The following PAQR5 variants were observed in gnomAD, a reference collection of about 807,000 sequenced individuals.
PAQR5 encodes the protein progestin and adipoQ receptor family member 5.
PAQR5 carries 20 observed loss-of-function variants against 34.5 expected under a neutral mutation model. That is an observed-to-expected ratio of 0.58 (90% CI 0.41 to 0.84). The LOEUF (loss-of-function observed/expected upper bound fraction) is 0.84. PAQR5 is among the 40% of genes least tolerant of loss of function. The probability of loss-of-function intolerance (pLI) is 0.00; values close to 1 mark genes in which losing one functional copy is unlikely to be tolerated. For missense variants in PAQR5, 378 were observed against 412.7 expected (o/e 0.92, Z 0.73); for synonymous variants, 131 against 155.6 (o/e 0.84, Z 1.18).
chr15:69,324,346 T>A (rs1018618506), intron 1 of PAQR5, among the ~76,000 whole-genome samples: 1 of 152,200 alleles, frequency 6.6e-6, no homozygotes, highest in Non-Finnish European at 1.5e-5. Context: ...AGAGCATTAA[T>A]GCAGACCTGA....
chr15:69,336,766 C>T (rs2054523401), intron 1 of PAQR5, among the ~76,000 whole-genome samples: 1 of 152,148 alleles, frequency 6.6e-6, no homozygotes, highest in Admixed American at 6.5e-5. Flanking sequence ...TTTCTTTGGA[C>T]TGTATTTGTA....
intron 3 of PAQR5, among the ~76,000 whole-genome samples, chr15:69,371,352 T>G (rs926202285): frequency 4.6e-5 from 7 of 152,126 alleles, no homozygotes; most frequent in African/African-American, 1.7e-4. Context: ...AGTTCAAACA[T>G]TGTAATGAGG....
At position 69,317,713 on chromosome 15, in the gene PAQR5, C is replaced by T. The variant is rs560742873; in HGVS notation, c.-277+18657C>T. ...GGTGCAGCAGCTCCCTGGACGCTCC[C>T]TCACTGGCCTGGCATTGAAATGCAC... On this transcript the variant is annotated intron_variant, in intron 1 of 8. Coordinates refer to ENST00000395407, the MANE Select transcript of PAQR5 (RefSeq NM_017705.4). Among the ~76,000 whole-genome samples, 9 of 152,284 alleles carry T rather than the reference C, an allele frequency of 5.9e-5. No homozygotes were observed. The South Asian group carries it at 1.7e-3, about 28-fold the overall frequency.
chr15:69,313,940 A>C (rs904037597), intron 1 of PAQR5, among the ~76,000 whole-genome samples: 42 of 152,224 alleles, frequency 2.8e-4, no homozygotes, highest in African/African-American at 9.4e-4. Context: ...GGGTGGACTC[A>C]GGGACCTTGC....
Position 69,351,668 on chromosome 15 carries a change from T to C in PAQR5, c.-115-8298T>C, listed in dbSNP as rs377439353. On this transcript the variant is annotated intron_variant, in intron 2 of 8. Coordinates refer to ENST00000395407, the MANE Select transcript of PAQR5 (RefSeq NM_017705.4). ...AGATCATGCTGGCCCATTACATTGA[T>C]GGTGTTATGCTGATTGGACCTAGTG... 7.2e-5 allele frequency among the ~76,000 whole-genome samples: 11 copies of C among 152,320 alleles called. No individual in the cohort carries two copies. The East Asian group carries it at 2.1e-3, about 29-fold the overall frequency.
intron 6 of PAQR5, among the ~76,000 whole-genome samples, chr15:69,390,319 T>TA (rs1567038271): frequency 1.3e-4 from 18 of 136,886 alleles, no homozygotes; most frequent in African/African-American, 4.5e-4. Flanking sequence ...CCTGACCTGT[T>TA]TTTTATTTAT....
At chr15:69,325,493 C>CT (rs1037917843) in intron 1 of PAQR5, among the ~76,000 whole-genome samples, 54 of 152,286 alleles carry the variant, frequency 3.5e-4, no homozygotes, top group African/African-American at 1.2e-3. Context: ...AATGTGAGCT[C>CT]TTAAGGGATA....
At chr15:69,300,307 C>A (rs2053504232) in intron 1 of PAQR5, among the ~76,000 whole-genome samples, 1 of 152,184 alleles carries the variant, frequency 6.6e-6, no homozygotes, top group South Asian at 2.1e-4. Context: ...CCTGCAGGGA[C>A]CTGCTTTGTT....
At chr15:69,325,144 C>G (rs551758022) in intron 1 of PAQR5, among the ~76,000 whole-genome samples, 1 of 152,158 alleles carries the variant, frequency 6.6e-6, no homozygotes, top group Non-Finnish European at 1.5e-5. Context: ...GGTGATCCAC[C>G]CAGCTCAGCC....
At chr15:69,302,808 G>C (rs572697268) in intron 1 of PAQR5, among the ~76,000 whole-genome samples, 12 of 152,154 alleles carry the variant, frequency 7.9e-5, no homozygotes, top group Non-Finnish European at 1.8e-4. Context: ...AGCTGTCCCT[G>C]TACTCACGCA....
intron 1 of PAQR5, among the ~76,000 whole-genome samples, chr15:69,304,217 C>G (rs1327058720): frequency 6.6e-6 from 1 of 152,180 alleles, no homozygotes; most frequent in Non-Finnish European, 1.5e-5. Flanking sequence ...AGGGTGAGGC[C>G]CTGACCTAAG....
At chr15:69,315,212 C>A (rs935210093) in intron 1 of PAQR5, among the ~76,000 whole-genome samples, 3 of 152,158 alleles carry the variant, frequency 2.0e-5, no homozygotes, top group Admixed American at 2.0e-4. Context: ...ACTGCAACTG[C>A]GTTCTCTGCC....
At chr15:69,394,636 C>T (rs2056364645) in intron 6 of PAQR5, among the ~76,000 whole-genome samples, 1 of 152,226 alleles carries the variant, frequency 6.6e-6, no homozygotes, top group Admixed American at 6.5e-5. Flanking sequence ...CTGCCAACCT[C>T]GTTCTGAGCA....
chr15:69,314,102 G>A (rs1037724641), intron 1 of PAQR5, among the ~76,000 whole-genome samples: 3 of 152,086 alleles, frequency 2.0e-5, no homozygotes, highest in African/African-American at 7.2e-5. Flanking sequence ...CTGAGAGGAG[G>A]GCTTCCGTTT....
rs1257211102 is a variant in PAQR5 at position 69,397,514 on chromosome 15, C to T, written c.559C>T (p.Leu187Phe). The T allele has an allele frequency of 1.2e-6, 2 of 1,613,790 alleles. No homozygotes were observed. The highest frequency in any genetic ancestry group is 2.2e-5 in the South Asian group (2 of 91,086). Residue 187 changes from leucine to phenylalanine, a missense_variant, in exon 7 of 9, where the codon CTC becomes TTC. Physicochemically the swap from Leu to Phe is conservative, Grantham distance 22. Coordinates refer to ENST00000395407, the MANE Select transcript of PAQR5 (RefSeq NM_017705.4). The part of the protein sequence containing the change: ...KPRLCKVIRV[L>F]AFAYPYTWDS... ...CAGACTCTGTAAGGTGATTCGTGTC[C>T]TCGCCTTTGCTTATCCGTACACCTG...
chr15:69,304,617 A>G (rs982771967), intron 1 of PAQR5, among the ~76,000 whole-genome samples: 1 of 152,192 alleles, frequency 6.6e-6, no homozygotes, highest in South Asian at 2.1e-4. Context: ...TGCCTTACAC[A>G]GTCTTCCTCT....
intron 7 of PAQR5, among the ~76,000 whole-genome samples, chr15:69,398,266 G>A (rs1190087778): frequency 1.3e-5 from 2 of 152,160 alleles, no homozygotes; most frequent in African/African-American, 4.8e-5. Context: ...GAGCATAAAG[G>A]AAGAGAGTGT....
At chr15:69,333,231 C>T (rs547655571) in intron 1 of PAQR5, among the ~76,000 whole-genome samples, 3 of 152,126 alleles carry the variant, frequency 2.0e-5, no homozygotes, top group African/African-American at 7.2e-5. Flanking sequence ...GCACCACGAA[C>T]CCCGTTTTGG....
At chr15:69,310,579 G>A (rs1221077040) in intron 1 of PAQR5, among the ~76,000 whole-genome samples, 1 of 152,132 alleles carries the variant, frequency 6.6e-6, no homozygotes, top group East Asian at 1.9e-4. Flanking sequence ...TTTATTTGAA[G>A]TTGTTCTTAT....
Sources: allele counts gnomAD v4.1 joint callset (sites outside exome capture counted in the v4.1 genomes callset), GRCh38; gene constraint gnomAD v4.1.1; transcripts MANE v1.5; gene names NCBI Gene and HGNC (gene_info 2026-07-23, HGNC 2026-07-21).